Variants in ALS2CL observed in about 807,000 individuals in gnomAD.
ALS2CL encodes the protein ALS2 C-terminal like.
In ALS2CL, 112 loss-of-function variants were observed where a neutral mutation model predicts 127.9. That is an observed-to-expected ratio of 0.88 (90% CI 0.75 to 1.02). The LOEUF (loss-of-function observed/expected upper bound fraction) is 1.02. Among genes scored for constraint, ALS2CL ranks in the 50% least tolerant of loss-of-function variants. The pLI is 0.00. For missense variants in ALS2CL, 1,174 were observed against 1,236.7 expected, an observed-to-expected ratio of 0.95 and a Z score of 0.76; for synonymous variants, 519 against 527.6, an observed-to-expected ratio of 0.98 and a Z score of 0.22.
rs772940963 is a variant in ALS2CL at position 46,676,236 on chromosome 3, C to T, written c.2186+9G>A. ...GGGCAGTAGCTGTCCCGTTTGCCAC[C>T]GAGCCCACCTGTAGGCAGCCCAGAG... is the stretch of plus-strand genomic sequence containing the variant. On this transcript the variant is annotated intron_variant, in intron 19 of 25. Transcript: ENST00000318962. The T allele has an allele frequency of 1.3e-5, 21 of 1,610,552 alleles. No individual in the cohort carries two copies. The highest frequency in any genetic ancestry group is 3.3e-5 in the Admixed American group (2 of 59,840).
intron 15 of ALS2CL, among the ~76,000 whole-genome samples, chr3:46,678,596 C>A (rs1559466890): frequency 6.6e-6 from 1 of 152,216 alleles, no homozygotes; most frequent in Non-Finnish European, 1.5e-5. Context: ...GTGCCCACGT[C>A]TCAGGGGCTC....
chr3:46,683,827 C>T lies in ALS2CL; in HGVS notation c.867G>A (p.Thr289=), dbSNP rs760063459. The T allele has an allele frequency of 3.7e-6, 6 of 1,614,094 alleles. No homozygotes were observed. Among genetic ancestry groups the T allele is most frequent in the South Asian group, 2.2e-5 (2 of 91,078 alleles). Residue 289 remains threonine (T), a synonymous_variant, in exon 9 of 26, where the codon ACG becomes ACA. Coordinates refer to ENST00000318962, the MANE Select transcript of ALS2CL (RefSeq NM_147129.5). The stretch of plus-strand genomic sequence containing the variant: ...CACAAAAGGAGAACTCTTCTTCGGG[C>T]GTGAGGAGGTGAAACGTGCACCTAG... ...GQDGCTFHLL[T]PEEEFSFCAK...
rs1699350634 is a variant in ALS2CL at position 46,681,583 on chromosome 3, C to A, written c.1191G>T (p.Leu397=). Residue 397 remains leucine (L), a synonymous_variant, in exon 12 of 26, where the codon CTG becomes CTT. Coordinates refer to ENST00000318962, the MANE Select transcript of ALS2CL (RefSeq NM_147129.5). The surrounding 1 kb of genome is among the most constrained non-coding windows in gnomAD (Gnocchi z 4.9). ...QGLEHGFGIR[L]LPQASEDKFD... ...ACTTGTCCTCAGAGGCCTGGGGCAG[C>A]AGGCGGATGCCGAAGCTGACAGCAT... 6.2e-7 allele frequency: 1 copy of A among 1,613,994 alleles called. No homozygotes were observed. The highest frequency in any genetic ancestry group is 1.3e-5 in the African/African-American group (1 of 74,928).
Position 46,672,157 on chromosome 3 carries a change from C to A in ALS2CL, c.2517G>T (p.Glu839Asp). Reference protein sequence around the residue: ...VRDKCFLSATECLQKIMTTVD... With the variant: ...VRDKCFLSATDCLQKIMTTVD... ...ACACTCACATGATCTTCTGCAGGCA[C>A]TCGGTGGCTGACAGGAAACACTTGT... The change falls in exon 23 of 26, where the codon GAG becomes GAT. Residue 839 changes from glutamate (E) to aspartate (D), a missense_variant. Glu to Asp is a conservative substitution (Grantham distance 45). Coordinates refer to ENST00000318962, the MANE Select transcript of ALS2CL (RefSeq NM_147129.5). 1.9e-6 allele frequency: 3 copies of A among 1,614,142 alleles called. No homozygotes were observed. The highest frequency in any genetic ancestry group is 2.5e-6 in the Non-Finnish European group (3 of 1,180,034).
intron 1 of ALS2CL, among the ~76,000 whole-genome samples, chr3:46,691,837 C>T (rs1311570691): frequency 6.6e-6 from 1 of 151,320 alleles, no homozygotes; most frequent in African/African-American, 2.4e-5. Context: ...GGATTACAGG[C>T]GTGAGCCACT....
At position 46,683,210 on chromosome 3, in the gene ALS2CL, T is replaced by G. The variant is rs964847275; in HGVS notation, c.1029A>C (p.Ala343=). ...GGCCCTCTGCCTGGAAGGTATATTC[T>G]GCGCAGCGGCAGTCGGGAGGCTGGG... is the stretch of plus-strand genomic sequence containing the variant. ...EPSQPPDCRC[A]EYTFQAEGRL... is the part of the protein sequence containing the mutation. Residue 343 remains alanine (A), a synonymous_variant, in exon 10 of 26, where the codon GCA becomes GCC. Transcript: ENST00000318962. The G allele has an allele frequency of 4.3e-6, 7 of 1,609,718 alleles. No homozygotes were observed. The highest frequency in any genetic ancestry group is 5.9e-6 in the Non-Finnish European group (7 of 1,178,056).
rs200490186 is a variant in ALS2CL at position 46,683,246 on chromosome 3, G to A, written c.993C>T (p.Gly331=). 22 of 1,611,378 alleles carry A rather than the reference G, an allele frequency of 1.4e-5. No individual in the cohort carries two copies. The highest frequency in any genetic ancestry group is 1.5e-5 in the Non-Finnish European group (18 of 1,179,002). Residue 331 remains glycine (G), a synonymous_variant, in exon 10 of 26, where the codon GGC becomes GGT. Coordinates refer to ENST00000318962, the MANE Select transcript of ALS2CL (RefSeq NM_147129.5). ...AGTCGGGAGGCTGGGAGGGCTCCAG[G>A]CCAGCCCCCAGCACGGGGAAGTCCT... ...GKKDFPVLGA[G]LEPSQPPDCR...
chr3:46,672,982 G>A (rs1698527123), intron 22 of ALS2CL, among the ~76,000 whole-genome samples: 1 of 152,042 alleles, frequency 6.6e-6, no homozygotes. Flanking sequence ...CTCTAACCCG[G>A]GCGATAAAGT....
At position 46,675,608 on chromosome 3, in the gene ALS2CL, C is replaced by T. The variant is rs767521006; in HGVS notation, c.2255+10G>A. On this transcript the variant is annotated intron_variant, in intron 20 of 25. Coordinates refer to ENST00000318962, the MANE Select transcript of ALS2CL (RefSeq NM_147129.5). ...ACACGGCAGGCCCCAAGGAGACCTG[C>T]GCCAGTCACCTTGTCTCTGTGTCTT... 1.1e-4 allele frequency: 173 copies of T among 1,613,186 alleles called. No homozygotes were observed. In the Middle Eastern group the frequency reaches 2.2e-3, roughly 20 times the overall value.
intron 6 of ALS2CL, 81 bp from the exon 7 acceptor site, chr3:46,685,725 A>AC: frequency 6.6e-7 from 1 of 1,522,166 alleles, no homozygotes; most frequent in Non-Finnish European, 8.9e-7. Context: ...CTCCCAATGT[A>AC]CCCCAGACAC....
chr3:46,685,505 TG>T lies in ALS2CL; in HGVS notation c.786+19del, dbSNP rs776236288. ...GAACCCTACTGTGGCCTCAAGACCT[TG>T]GGTCAGCCCCACCCCAACCTGCAGC... On this transcript the variant is annotated intron_variant, in intron 7 of 25. Transcript: ENST00000318962. The T allele has an allele frequency of 6.2e-7, 1 of 1,611,942 alleles. No individual in the cohort carries two copies. Among genetic ancestry groups the T allele is most frequent in the South Asian group, 1.1e-5 (1 of 90,966 alleles).
chr3:46,674,257 G>C lies in ALS2CL; in HGVS notation c.2429+309C>G, dbSNP rs567715178. On this transcript the variant is annotated intron_variant, in intron 21 of 25. Coordinates refer to ENST00000318962, the MANE Select transcript of ALS2CL (RefSeq NM_147129.5). ...GTGAGGGACTTCAGGGGCTCTGAGGGAGCTGTTGGAAGGCAATGCCAGCTC... is the reference window on the plus strand; with the variant it reads ...GTGAGGGACTTCAGGGGCTCTGAGGCAGCTGTTGGAAGGCAATGCCAGCTC... Among the ~76,000 whole-genome samples, 49 of 152,340 alleles carry C rather than the reference G, an allele frequency of 3.2e-4. 1 individual carries two copies. In the East Asian group the frequency reaches 8.9e-3, roughly 28 times the overall value.
Position 46,684,107 on chromosome 3 carries a change from T to C in ALS2CL, c.787-60A>G. 3 of 1,537,222 alleles carry C rather than the reference T, an allele frequency of 2.0e-6. No individual in the cohort carries two copies. In the East Asian group the frequency reaches 7.3e-5, roughly 38 times the overall value. On this transcript the variant is annotated intron_variant, in intron 7 of 25. Coordinates refer to ENST00000318962, the MANE Select transcript of ALS2CL (RefSeq NM_147129.5). Reference sequence around the variant, plus strand: ...CCAGGCCAGATGCTCACCTACCCTCTGGCCAAGGCTTGCCCCAAGCTCAAC... The same window carrying C: ...CCAGGCCAGATGCTCACCTACCCTCCGGCCAAGGCTTGCCCCAAGCTCAAC...
At position 46,670,887 on chromosome 3, in the gene ALS2CL, C is replaced by G; in HGVS notation, c.*97G>C. ...ACAAAATGCTCATCTCCTCCAAGAG[C>G]TGCTTCTGAGGGCCTGTCCTGCCCC... On this transcript the variant is annotated 3_prime_UTR_variant, in exon 26 of 26. Transcript: ENST00000318962. This position sits in a 1 kb window ranked among gnomAD's most constrained non-coding sequence, Gnocchi z 5.5. 7.9e-7 allele frequency: 1 copy of G among 1,273,796 alleles called. No homozygotes were observed. The highest frequency in any genetic ancestry group is 1.1e-6 in the Non-Finnish European group (1 of 881,420). 78.9% of individuals were successfully genotyped at this position (1,273,796 alleles called of 1,614,324 possible). A position where few individuals can be genotyped will look rare whatever the true frequency, so the allele number is the denominator to read the frequency against.
chr3:46,688,046 G>A (rs1575448432), intron 3 of ALS2CL, 52 bp downstream of exon 3: 1 of 1,589,418 alleles, frequency 6.3e-7, no homozygotes, highest in Non-Finnish European at 8.6e-7. Context: ...TTAATGCCAG[G>A]TGTCACTCTG....
Position 46,678,393 on chromosome 3 carries a change from G to A in ALS2CL, c.1627-4C>T. The A allele has an allele frequency of 1.2e-6, 2 of 1,611,266 alleles. No homozygotes were observed. The highest frequency in any genetic ancestry group is 1.7e-6 in the Non-Finnish European group (2 of 1,178,458). ...CATTGGGGAAGGTGACCTTGCCCTGGGAGCCAGGAGAAGGAGCAGGGATGT... is the reference window on the plus strand; with the variant it reads ...CATTGGGGAAGGTGACCTTGCCCTGAGAGCCAGGAGAAGGAGCAGGGATGT... On this transcript the variant is annotated splice_region_variant and splice_polypyrimidine_tract_variant and intron_variant, in intron 15 of 25. Transcript: ENST00000318962.
intron 1 of ALS2CL, among the ~76,000 whole-genome samples, chr3:46,689,684 G>C (rs1253541293): frequency 6.6e-6 from 1 of 152,188 alleles, no homozygotes; most frequent in Non-Finnish European, 1.5e-5. Flanking sequence ...GAGAGAGAGA[G>C]CTCAGAGCTG....
intron 19 of ALS2CL, 101 bp from the exon 20 acceptor site, chr3:46,675,787 T>C: frequency 3.8e-6 from 6 of 1,584,016 alleles, no homozygotes; most frequent in South Asian, 1.1e-5. Flanking sequence ...CTCTCAGAAC[T>C]GTGGACATGG....
chr3:46,691,798 TCAACC>T (rs1700174734), intron 1 of ALS2CL, among the ~76,000 whole-genome samples: 1 of 150,810 alleles, frequency 6.6e-6, no homozygotes, highest in South Asian at 2.1e-4. Context: ...CCTCAAGTGA[TCAACC>T]CATCTTGGCC....
Sources: gnomAD v4.1 joint callset for allele counts (sites outside exome capture counted in the v4.1 genomes callset) on GRCh38, gnomAD v4.1.1 for gene constraint, Gnocchi (gnomAD v3.1) non-coding constraint, MANE v1.5 for transcripts, NCBI Gene and HGNC (gene_info 2026-07-23, HGNC 2026-07-21) for gene names.